The following PCDHGB7 variants were observed in gnomAD, a reference collection of about 807,000 sequenced individuals.
PCDHGB7 encodes the protein protocadherin gamma subfamily B, 7.
A neutral mutation model predicts 61.4 loss-of-function variants in PCDHGB7; 37 were observed. That is an observed-to-expected ratio of 0.60 (90% CI 0.46 to 0.79). The LOEUF (loss-of-function observed/expected upper bound fraction) is 0.79, where lower values mean the gene tolerates loss of function less well. Among genes scored for constraint, PCDHGB7 ranks in the 30% least tolerant of loss-of-function variants. The pLI, the probability that PCDHGB7 is intolerant of heterozygous loss-of-function variation, is 0.00. For synonymous variants in PCDHGB7, 464 were observed against 503.5 expected, an observed-to-expected ratio of 0.92 and a Z score of 1.05; for missense variants, 1,166 against 1,202.5, an observed-to-expected ratio of 0.97 and a Z score of 0.45.
chr5:141,502,373 C>A (rs2099813965), intron 2 of PCDHGB7, among the ~76,000 whole-genome samples: 1 of 151,806 alleles, frequency 6.6e-6, no homozygotes, highest in African/African-American at 2.4e-5. Context: ...TTAAAGAGTC[C>A]AGGCCAGTTG....
intron 3 of PCDHGB7, 85 bp from the exon 4 acceptor site, chr5:141,510,862 C>A: frequency 6.2e-7 from 1 of 1,606,772 alleles, no homozygotes. Context: ...GCTGTATAGG[C>A]ATTCATTAAC....
At position 141,431,914 on chromosome 5, in the gene PCDHGB7, C is replaced by A. The variant is rs745837291; in HGVS notation, c.2415+11640C>A. 6.2e-7 allele frequency: 1 copy of A among 1,613,912 alleles called. No individual in the cohort carries two copies. Among genetic ancestry groups the A allele is most frequent in the African/African-American group, 1.3e-5 (1 of 75,070 alleles). On this transcript the variant is annotated intron_variant, in intron 1 of 3. Transcript: ENST00000398594. The surrounding 1 kb of genome is among the most constrained non-coding windows in gnomAD (Gnocchi z 4.8). ...AGGAAAACGGACAGGTGATCTGTTT[C>A]ATCCAAGGAAATCTGCCCTTTAAAT...
rs547410815 is a variant in PCDHGB7 at position 141,418,658 on chromosome 5, A to T, written c.799A>T (p.Thr267Ser). ...PGTSILRVKA[T>S]DQDEGINSEI... ...CACCTCCATCCTGAGAGTGAAGGCC[A>T]CTGACCAGGACGAGGGCATCAACTC... is the stretch of plus-strand genomic sequence containing the variant. Residue 267 changes from threonine (T) to serine (S), a missense_variant, in exon 1 of 4, where the codon ACT (threonine) becomes TCT (serine). Thr to Ser is a moderately conservative substitution (Grantham distance 58). Transcript: ENST00000398594. 2.6e-4 allele frequency: 419 copies of T among 1,614,030 alleles called. 6 individuals carry two copies. The South Asian group carries it at 4.2e-3, about 16-fold the overall frequency.
intron 2 of PCDHGB7, 54 bp downstream of exon 2, chr5:141,494,919 T>A: frequency 6.2e-7 from 1 of 1,613,926 alleles, no homozygotes; most frequent in South Asian, 1.1e-5. Flanking sequence ...TTCTCAGGGA[T>A]GACGTGGGAG....
At position 141,418,954 on chromosome 5, in the gene PCDHGB7, T is replaced by C. The variant is rs1490406390; in HGVS notation, c.1095T>C (p.Val365=). The change falls in exon 1 of 4, where the codon GTT becomes GTC. Residue 365 remains valine, a synonymous_variant. Transcript: ENST00000398594. ...QIMEDSPPGV[V]VALFKTRDQD... ...TGGAGGATTCCCCTCCAGGAGTGGT[T>C]GTTGCCCTCTTCAAAACACGGGACC... 2 of 1,613,914 alleles carry C rather than the reference T, an allele frequency of 1.2e-6. No homozygotes were observed. The highest frequency in any genetic ancestry group is 1.7e-5 in the Admixed American group (1 of 60,010).
At chr5:141,433,272 C>A in intron 1 of PCDHGB7, 1 of 1,252,410 alleles carries the variant, frequency 8.0e-7, no homozygotes, top group Non-Finnish European at 1.1e-6. Context: ...TAGCTCACTG[C>A]AGCCTCAAAC....
chr5:141,464,725 A>G (rs538200804), intron 1 of PCDHGB7, among the ~76,000 whole-genome samples: 27 of 152,178 alleles, frequency 1.8e-4, no homozygotes, highest in African/African-American at 5.1e-4. Flanking sequence ...TCATATGTTT[A>G]AAAGCCAGTT....
intron 1 of PCDHGB7, 96 bp from the exon 2 acceptor site, chr5:141,494,711 A>T (rs757105958): frequency 6.3e-7 from 1 of 1,599,616 alleles, no homozygotes; most frequent in Non-Finnish European, 8.5e-7. Context: ...CTCTGTGCCC[A>T]CTCCCCTCCT....
In PCDHGB7 at chr5:141,485,308, A is replaced by G; in HGVS notation, c.2416-9499A>G. On this transcript the variant is annotated intron_variant, in intron 1 of 3. Coordinates refer to ENST00000398594, the MANE Select transcript of PCDHGB7 (RefSeq NM_018927.4). The surrounding 1 kb of genome is among the most constrained non-coding windows in gnomAD (Gnocchi z 5.7). ...AGGAGTCACAGGAAGGGACTTTTGTAGGGAATGTCGCTCAAGATTTCCTGC... is the reference window on the plus strand; with the variant it reads ...AGGAGTCACAGGAAGGGACTTTTGTGGGGAATGTCGCTCAAGATTTCCTGC... 6.2e-7 allele frequency: 1 copy of G among 1,614,112 alleles called. No individual in the cohort carries two copies. The highest frequency in any genetic ancestry group is 8.5e-7 in the Non-Finnish European group (1 of 1,179,996).
In PCDHGB7 at chr5:141,474,958, C is replaced by T. The variant is rs114469479; in HGVS notation, c.2416-19849C>T. On this transcript the variant is annotated intron_variant, in intron 1 of 3. Transcript: ENST00000398594. ...CACAGTGGACTCTTTTATTCACTAT[C>T]CTAATCATTATAATTTTGTTTGGTG... is the stretch of plus-strand genomic sequence containing the variant. Among the ~76,000 whole-genome samples the T allele has an allele frequency of 4.4e-3, 666 of 152,340 alleles. 6 individuals are homozygous for T. The highest frequency in any genetic ancestry group is 0.015 in the African/African-American group (634 of 41,572).
At chr5:141,475,657 C>T (rs2099366732) in intron 1 of PCDHGB7, among the ~76,000 whole-genome samples, 1 of 152,204 alleles carries the variant, frequency 6.6e-6, no homozygotes, top group Non-Finnish European at 1.5e-5. Flanking sequence ...GAAAGTGATT[C>T]AAATGTTTAA....
At chr5:141,436,950 C>A (rs894702404) in intron 1 of PCDHGB7, among the ~76,000 whole-genome samples, 3 of 152,138 alleles carry the variant, frequency 2.0e-5, no homozygotes, top group African/African-American at 7.2e-5. Flanking sequence ...ATAGTGAAAT[C>A]TAAACAAGGA....
chr5:141,493,983 A>G lies in PCDHGB7; in HGVS notation c.2416-824A>G, dbSNP rs2099751203. Among the ~76,000 whole-genome samples the G allele has an allele frequency of 6.6e-6, 1 of 152,194 alleles. No homozygotes were observed. The highest frequency in any genetic ancestry group is 6.5e-5 in the Admixed American group (1 of 15,278). ...TGGCTGGCCAGAGCCCCACACCTTC[A>G]GCTAGGTGGGAGATGGCTACACATC... On this transcript the variant is annotated intron_variant, in intron 1 of 3. Coordinates refer to ENST00000398594, the MANE Select transcript of PCDHGB7 (RefSeq NM_018927.4). The surrounding 1 kb of genome is among the most constrained non-coding windows in gnomAD (Gnocchi z 4.3).
chr5:141,477,814 G>C lies in PCDHGB7; in HGVS notation c.2416-16993G>C, dbSNP rs780195618. The C allele has an allele frequency of 1.2e-6, 2 of 1,614,110 alleles. No homozygotes were observed. The highest frequency in any genetic ancestry group is 1.1e-5 in the South Asian group (1 of 91,074). On this transcript the variant is annotated intron_variant, in intron 1 of 3. Coordinates refer to ENST00000398594, the MANE Select transcript of PCDHGB7 (RefSeq NM_018927.4). The surrounding 1 kb of genome is among the most constrained non-coding windows in gnomAD (Gnocchi z 4.9). ...CTGATCGCAATGACAATGCCCCCCA[G>C]GTCCTATATCCTCGGCCAGGTGGGA... is the stretch of plus-strand genomic sequence containing the variant.
At chr5:141,460,150 T>G (rs1169568683) in intron 1 of PCDHGB7, among the ~76,000 whole-genome samples, 1 of 152,106 alleles carries the variant, frequency 6.6e-6, no homozygotes, top group East Asian at 1.9e-4. Context: ...ATGTGAGCTC[T>G]TTGTCACATA....
At position 141,420,246 on chromosome 5, in the gene PCDHGB7, T is replaced by C. The variant is rs1216078492; in HGVS notation, c.2387T>C (p.Val796Ala). Residue 796 changes from valine (V) to alanine (A), a missense_variant, in exon 1 of 4, where the codon GTT (valine) becomes GCT (alanine). Val to Ala is a moderately conservative substitution (Grantham distance 64, BLOSUM62 0). Transcript: ENST00000398594. ...CTGGCTAGCATTTTAACTCCCAGCGTTGAAGCAGATAAGAAGATTCTTAAA... is the reference window on the plus strand; with the variant it reads ...CTGGCTAGCATTTTAACTCCCAGCGCTGAAGCAGATAAGAAGATTCTTAAA... ...MLLASILTPS[V>A]EADKKILKQQ... 3 of 1,583,234 alleles carry C rather than the reference T, an allele frequency of 1.9e-6. No homozygotes were observed. Among genetic ancestry groups the C allele is most frequent in the African/African-American group, 2.7e-5 (2 of 73,642 alleles).
intron 1 of PCDHGB7, among the ~76,000 whole-genome samples, chr5:141,426,040 G>C (rs1032424646): frequency 2.0e-5 from 3 of 152,212 alleles, no homozygotes; most frequent in African/African-American, 7.2e-5. Flanking sequence ...GAGCCCTGCT[G>C]TTGGCCAATG....
intron 1 of PCDHGB7, chr5:141,427,328 T>G (rs951396612): frequency 1.6e-4 from 74 of 457,122 alleles, no homozygotes; most frequent in Admixed American, 1.2e-3. Context: ...TGGTTTTTAC[T>G]TCAGTGTCCA....
At chr5:141,463,784 T>G (rs2099069378) in intron 1 of PCDHGB7, among the ~76,000 whole-genome samples, 1 of 152,194 alleles carries the variant, frequency 6.6e-6, no homozygotes, top group South Asian at 2.1e-4. Context: ...CTGCACTGTC[T>G]TTTGAACAAA....
Sources: gnomAD v4.1 joint callset for allele counts (sites outside exome capture counted in the v4.1 genomes callset) on GRCh38, gnomAD v4.1.1 for gene constraint, Gnocchi (gnomAD v3.1) non-coding constraint, MANE v1.5 for transcripts, NCBI Gene and HGNC (gene_info 2026-07-23, HGNC 2026-07-21) for gene names.